The following CAPN1 variants were observed in gnomAD, a reference collection of about 807,000 sequenced individuals.
CAPN1 encodes the protein calpain 1, also known as calpain-1 catalytic subunit.
A neutral mutation model predicts 105.2 loss-of-function variants in CAPN1; 77 were observed. The observed-to-expected ratio is 0.73, with a 90% CI of 0.61 to 0.88. The LOEUF (loss-of-function observed/expected upper bound fraction) is 0.88, where lower values mean the gene tolerates loss of function less well. Among genes scored for constraint, CAPN1 ranks in the 40% least tolerant of loss-of-function variants. The probability of loss-of-function intolerance (pLI) is 0.00; values close to 1 mark genes in which losing one functional copy is unlikely to be tolerated. For synonymous variants in CAPN1, 355 were observed against 388.8 expected (o/e 0.91, Z 1.02); for missense variants, 833 against 976.6 (o/e 0.85, Z 1.96).
chr11:65,182,488 G>A, intron 1 of CAPN1: 1 of 543,018 alleles, frequency 1.8e-6, no homozygotes, highest in Admixed American at 3.3e-5. Flanking sequence ...GAGGTGGCCG[G>A]CACGCCTGGG....
intron 10 of CAPN1, among the ~76,000 whole-genome samples, chr11:65,196,112 T>A (rs1948789817): frequency 6.6e-6 from 1 of 152,076 alleles, no homozygotes; most frequent in Non-Finnish European, 1.5e-5. Flanking sequence ...GAGTCCTCTG[T>A]CTTTTCTCCT....
chr11:65,207,733 CA>C (rs1240785769), intron 14 of CAPN1, among the ~76,000 whole-genome samples: 1 of 151,568 alleles, frequency 6.6e-6, no homozygotes, highest in Non-Finnish European at 1.5e-5. Flanking sequence ...GCCAACATGG[CA>C]AAACCCCGTC....
Position 65,206,694 on chromosome 11 carries a change from C to G in CAPN1, c.1565+20C>G. 6.2e-7 allele frequency: 1 copy of G among 1,611,632 alleles called. No individual in the cohort carries two copies. The highest frequency in any genetic ancestry group is 8.5e-7 in the Non-Finnish European group (1 of 1,178,444). On this transcript the variant is annotated intron_variant, in intron 13 of 21. Coordinates refer to ENST00000279247, the MANE Select transcript of CAPN1 (RefSeq NM_005186.4). ...GACTGTGTGAGTCATGGACTGGCCC[C>G]TGCCACTCTCCCCTCTCCCAGCCTC...
At chr11:65,200,379 C>A (rs1468389220) in intron 10 of CAPN1, among the ~76,000 whole-genome samples, 1 of 151,934 alleles carries the variant, frequency 6.6e-6, no homozygotes, top group African/African-American at 2.4e-5. Context: ...GACTCTCACT[C>A]TGTCGCCCAG....
intron 10 of CAPN1, among the ~76,000 whole-genome samples, chr11:65,191,305 T>C (rs1948715949): frequency 6.6e-6 from 1 of 152,226 alleles, no homozygotes. Flanking sequence ...AGTATGTTCT[T>C]TAAAATTACA....
rs139757630 is a variant in CAPN1 at position 65,193,742 on chromosome 11, G to T, written c.1165+4996G>T. On this transcript the variant is annotated intron_variant, in intron 10 of 21. Coordinates refer to ENST00000279247, the MANE Select transcript of CAPN1 (RefSeq NM_005186.4). The stretch of plus-strand genomic sequence containing the variant: ...TTTTACTTATTTATTTAGAGATGGG[G>T]TCTTGCTCTATTGCCCAGGCTGGAG... Among the ~76,000 whole-genome samples the T allele has an allele frequency of 7.2e-4, 109 of 151,570 alleles. No individual in the cohort carries two copies. In the East Asian group the frequency reaches 0.02, roughly 27 times the overall value.
rs764329860 is a variant in CAPN1, at chr11:65,183,592, G to A, written c.456G>A (p.Gln152=). 6 of 1,606,130 alleles carry A rather than the reference G, an allele frequency of 3.7e-6. No individual in the cohort carries two copies. In the South Asian group the frequency reaches 5.5e-5, roughly 15 times the overall value. ...QNGYAGIFHF[Q]LWQFGEWVDV... ...GCTATGCCGGCATCTTCCATTTCCA[G>A]GTGAGGGCTCCCCTGGGGAGGAGGG... Residue 152 remains glutamine (Q), a splice_region_variant and synonymous_variant, in exon 4 of 22, where the codon CAG becomes CAA. Transcript: ENST00000279247.
intron 10 of CAPN1, among the ~76,000 whole-genome samples, chr11:65,197,888 G>GAAAAAAAAA (rs71049687): frequency 4.8e-5 from 4 of 83,418 alleles, no homozygotes; most frequent in Non-Finnish European, 8.6e-5. Context: ...AACTCTATCT[G>GAAAAAAAAA]AAAAAAAAAA....
intron 10 of CAPN1, among the ~76,000 whole-genome samples, chr11:65,190,400 C>T (rs1948701809): frequency 6.6e-6 from 1 of 152,192 alleles, no homozygotes; most frequent in Non-Finnish European, 1.5e-5. Flanking sequence ...GGCTCCCTGC[C>T]CTCTGTTTTG....
rs1948666428 is a variant in CAPN1 at position 65,188,259 on chromosome 11, T to A, written c.930-155T>A. 2.7e-6 allele frequency: 2 copies of A among 729,440 alleles called. No homozygotes were observed. Among genetic ancestry groups the A allele is most frequent in the African/African-American group, 3.5e-5 (2 of 56,624 alleles). 45.2% of individuals were successfully genotyped at this position (729,440 alleles called of 1,614,324 possible). A position where few individuals can be genotyped will look rare whatever the true frequency, so the allele number is the denominator to read the frequency against. ...GTGCAGGGCATCAGACTGGCCCTGA[T>A]GAGACCACCCCCTAGAAGCGGAACC... On this transcript the variant is annotated intron_variant, in intron 8 of 21. Transcript: ENST00000279247. This position sits in a 1 kb window ranked among gnomAD's most constrained non-coding sequence, Gnocchi z 5.5.
In CAPN1 at chr11:65,208,401, C is replaced by G. The variant is rs1948995996; in HGVS notation, c.1729+139C>G. 2.5e-6 allele frequency: 2 copies of G among 793,760 alleles called. No individual in the cohort carries two copies. The highest frequency in any genetic ancestry group is 4.2e-6 in the Non-Finnish European group (2 of 474,980). 49.2% of individuals were successfully genotyped at this position (793,760 alleles called of 1,614,324 possible). A position where few individuals can be genotyped will look rare whatever the true frequency, so the allele number is the denominator to read the frequency against. Reference sequence around the variant, plus strand: ...TCCTCCAGTTTTTCTGAGCCCAGTTCCCTGCCATTTCCATCCCATACTCCT... The same window carrying G: ...TCCTCCAGTTTTTCTGAGCCCAGTTGCCTGCCATTTCCATCCCATACTCCT... On this transcript the variant is annotated intron_variant, in intron 16 of 21. Coordinates refer to ENST00000279247, the MANE Select transcript of CAPN1 (RefSeq NM_005186.4). This position sits in a 1 kb window ranked among gnomAD's most constrained non-coding sequence, Gnocchi z 4.1.
chr11:65,192,845 G>C (rs1446262634), intron 10 of CAPN1, among the ~76,000 whole-genome samples: 1 of 151,958 alleles, frequency 6.6e-6, no homozygotes, highest in Non-Finnish European at 1.5e-5. Context: ...GGGCTCAAGT[G>C]ATCCTCCCAC....
rs1383680611 is a variant in CAPN1, at chr11:65,211,423, C to T, written c.*137C>T. On this transcript the variant is annotated 3_prime_UTR_variant, in exon 22 of 22. Transcript: ENST00000279247. ...GAGAGGCAGCCTCGTCCTCCTGTCC[C>T]CTCTCCTCCCAGCCACCATCGTTCA... The T allele has an allele frequency of 1.4e-5, 11 of 765,090 alleles. No homozygotes were observed. Among genetic ancestry groups the T allele is most frequent in the Middle Eastern group, 2.5e-4 (1 of 3,982 alleles). 47.4% of individuals were successfully genotyped at this position (765,090 alleles called of 1,614,324 possible).
chr11:65,187,101 C>T, intron 6 of CAPN1, 114 bp from the exon 7 acceptor site: 1 of 727,312 alleles, frequency 1.4e-6, no homozygotes, highest in Non-Finnish European at 2.4e-6. Flanking sequence ...GCTTGCTTCT[C>T]CTAGCAACTG....
In CAPN1 at chr11:65,208,495, C is replaced by G. The variant is rs1443008529; in HGVS notation, c.1729+233C>G. The G allele has an allele frequency of 1.7e-6, 1 of 591,164 alleles. No individual in the cohort carries two copies. Among genetic ancestry groups the G allele is most frequent in the African/African-American group, 1.9e-5 (1 of 53,940 alleles). The allele number at this position is 591,164 out of a possible 1,614,324, so 36.6% of individuals were successfully genotyped here. On this transcript the variant is annotated intron_variant, in intron 16 of 21. Coordinates refer to ENST00000279247, the MANE Select transcript of CAPN1 (RefSeq NM_005186.4). The surrounding 1 kb of genome is among the most constrained non-coding windows in gnomAD (Gnocchi z 4.1). ...TGCCTTTGTGGGATTAGCAGCGCAG[C>G]CTGGCCAGGCACAGTGGCTCACACC...
Position 65,210,915 on chromosome 11 carries a change from C to T in CAPN1, c.2118+43C>T, listed in dbSNP as rs775053429. 6.1e-5 allele frequency: 93 copies of T among 1,521,744 alleles called. No homozygotes were observed. The highest frequency in any genetic ancestry group is 8.2e-5 in the African/African-American group (6 of 73,012). The allele number at this position is 1,521,744 out of a possible 1,614,324, so 94.3% of individuals were successfully genotyped here. On this transcript the variant is annotated intron_variant, in intron 21 of 21. Coordinates refer to ENST00000279247, the MANE Select transcript of CAPN1 (RefSeq NM_005186.4). This position sits in a 1 kb window ranked among gnomAD's most constrained non-coding sequence, Gnocchi z 4.3. ...CCCATGGTTGGGGAAGAGTTCCAGG[C>T]GATCGAATTTTCTTATCTGGCCAGT...
chr11:65,184,728 G>C (rs1207938302), intron 4 of CAPN1, among the ~76,000 whole-genome samples: 1 of 152,176 alleles, frequency 6.6e-6, no homozygotes, highest in African/African-American at 2.4e-5. Flanking sequence ...GGAGGGAAGA[G>C]CCAGGGGGCC....
intron 10 of CAPN1, among the ~76,000 whole-genome samples, chr11:65,195,366 T>C (rs1590857008): frequency 6.6e-6 from 1 of 152,268 alleles, no homozygotes; most frequent in South Asian, 2.1e-4. Flanking sequence ...GACCTCGTGA[T>C]CTGCCCACGT....
In CAPN1 at chr11:65,187,767, A is replaced by G. The variant is rs1415495505; in HGVS notation, c.844-188A>G. Reference sequence around the variant, plus strand: ...CTGGGTGTGGTGGCAGGTGCCTGTAATTCCAGCTATTTGGGAGGCTGAGGC... The same window carrying G: ...CTGGGTGTGGTGGCAGGTGCCTGTAGTTCCAGCTATTTGGGAGGCTGAGGC... On this transcript the variant is annotated intron_variant, in intron 7 of 21. Coordinates refer to ENST00000279247, the MANE Select transcript of CAPN1 (RefSeq NM_005186.4). 4.0e-5 allele frequency: 21 copies of G among 525,356 alleles called. No individual in the cohort carries two copies. In the East Asian group the frequency reaches 4.8e-4, roughly 12 times the overall value. The allele number at this position is 525,356 out of a possible 1,614,324, so 32.5% of individuals were successfully genotyped here. A position where few individuals can be genotyped will look rare whatever the true frequency, so the allele number is the denominator to read the frequency against.
Sources: allele counts gnomAD v4.1 joint callset (sites outside exome capture counted in the v4.1 genomes callset), GRCh38; gene constraint gnomAD v4.1.1; non-coding constraint Gnocchi (gnomAD v3.1); transcripts MANE v1.5; gene names NCBI Gene and HGNC (gene_info 2026-07-23, HGNC 2026-07-21).